The following TRAPPC9 variants were observed in gnomAD, a reference collection of about 807,000 sequenced individuals.
TRAPPC9 encodes the protein trafficking protein particle complex subunit 9.
Under a neutral mutation model 124.0 loss-of-function variants are expected in TRAPPC9, and 83 were observed. The observed-to-expected ratio is 0.67, with a 90% confidence interval of 0.56 to 0.80. TRAPPC9 has a LOEUF of 0.80. TRAPPC9 is among the 30% of genes least tolerant of loss of function. TRAPPC9 has a pLI of 0.00. For synonymous variants in TRAPPC9, 638 were observed against 617.5 expected (o/e 1.03, Z -0.49); for missense variants, 1,302 against 1,508.3 (o/e 0.86, Z 2.27).
chr8:140,272,105 G>GTGGTAGTGGCAATGGTGATAGTGATTA (rs2064917343), intron 15 of TRAPPC9, among the ~76,000 whole-genome samples: 1 of 75,228 alleles, frequency 1.3e-5, no homozygotes, highest in Admixed American at 1.2e-4. Flanking sequence ...TGAGGTGATT[G>GTGGTAGTGGCAATGGTGATAGTGATTA]TGGTGGTGGC....
chr8:140,278,454 C>T (rs2065195938), intron 14 of TRAPPC9, among the ~76,000 whole-genome samples: 1 of 152,256 alleles, frequency 6.6e-6, no homozygotes, highest in African/African-American at 2.4e-5. Context: ...AGCCAGGCAA[C>T]TGGCACATAG....
At chr8:140,006,709 C>T (rs1017928476) in intron 18 of TRAPPC9, among the ~76,000 whole-genome samples, 1 of 152,156 alleles carries the variant, frequency 6.6e-6, no homozygotes, top group Non-Finnish European at 1.5e-5. Flanking sequence ...GAAAACAACA[C>T]ACCAAGTGAA....
At chr8:139,754,094 G>A (rs1456429011) in intron 21 of TRAPPC9, among the ~76,000 whole-genome samples, 1 of 152,200 alleles carries the variant, frequency 6.6e-6, no homozygotes, top group Non-Finnish European at 1.5e-5. Context: ...GGCTCTGCAG[G>A]GAAAGGTGAA....
Position 139,789,406 on chromosome 8 carries a change from G to A in TRAPPC9, c.3056-57204C>T, listed in dbSNP as rs955245680. Among the ~76,000 whole-genome samples, 3 of 152,192 alleles carry A rather than the reference G, an allele frequency of 2.0e-5. No homozygotes were observed. The East Asian group carries it at 5.8e-4, about 29-fold the overall frequency. ...GCACGCTGCCCCTCGGTGTGTGGCT[G>A]TGTGTGGTTATCACAGCAGCATCGC... On this transcript the variant is annotated intron_variant, in intron 21 of 22. Coordinates refer to ENST00000438773, the MANE Select transcript of TRAPPC9 (RefSeq NM_001160372.4).
chr8:140,261,997 G>A (rs1267532573), intron 15 of TRAPPC9, among the ~76,000 whole-genome samples: 1 of 152,114 alleles, frequency 6.6e-6, no homozygotes, highest in Non-Finnish European at 1.5e-5. Context: ...CCGTAAAACA[G>A]GTACTAAGAC....
At chr8:140,392,341 T>G (rs139666156) in intron 7 of TRAPPC9, among the ~76,000 whole-genome samples, 4 of 152,212 alleles carry the variant, frequency 2.6e-5, no homozygotes. Flanking sequence ...GCTTATCCGA[T>G]AATGGAGAGG....
At chr8:139,988,007 C>T (rs770668892) in intron 19 of TRAPPC9, among the ~76,000 whole-genome samples, 1 of 152,150 alleles carries the variant, frequency 6.6e-6, no homozygotes, top group Non-Finnish European at 1.5e-5. Flanking sequence ...GCTCCCCTCC[C>T]GAAGGCCTGA....
In TRAPPC9 at chr8:139,922,973, G is replaced by A. The variant is rs916814470; in HGVS notation, c.2811-12673C>T. ...GGCACCTGGATTTCAGAAACACTGT[G>A]GCAGCCTCCCTCATCAGGCTCATCA... On this transcript the variant is annotated intron_variant, in intron 19 of 22. Coordinates refer to ENST00000438773, the MANE Select transcript of TRAPPC9 (RefSeq NM_001160372.4). Among the ~76,000 whole-genome samples the A allele has an allele frequency of 3.3e-5, 5 of 152,194 alleles. No homozygotes were observed. In the East Asian group the frequency reaches 9.6e-4, roughly 29 times the overall value.
At chr8:140,051,914 C>T (rs994744826) in intron 17 of TRAPPC9, among the ~76,000 whole-genome samples, 1 of 151,914 alleles carries the variant, frequency 6.6e-6, no homozygotes, top group Non-Finnish European at 1.5e-5. Context: ...CAAATGCATC[C>T]ACTGTATTTC....
intron 4 of TRAPPC9, among the ~76,000 whole-genome samples, chr8:140,429,281 G>A (rs1229705201): frequency 4.0e-5 from 6 of 151,892 alleles, no homozygotes; most frequent in African/African-American, 1.2e-4. Flanking sequence ...CAGTAGACAC[G>A]GGGTTTTACC....
At chr8:139,877,717 G>A (rs1829412854) in intron 21 of TRAPPC9, among the ~76,000 whole-genome samples, 1 of 152,162 alleles carries the variant, frequency 6.6e-6, no homozygotes, top group African/African-American at 2.4e-5. Context: ...TGAGCCTGAG[G>A]AACATGCTCT....
At chr8:140,010,280 T>TA (rs1839037246) in intron 18 of TRAPPC9, among the ~76,000 whole-genome samples, 1 of 152,214 alleles carries the variant, frequency 6.6e-6, no homozygotes, top group East Asian at 1.9e-4. Context: ...AATCTCAATG[T>TA]AAAATTACAA....
chr8:140,317,096 T>C (rs1252877943), intron 9 of TRAPPC9, among the ~76,000 whole-genome samples: 1 of 152,196 alleles, frequency 6.6e-6, no homozygotes, highest in Non-Finnish European at 1.5e-5. Context: ...TTTTATTGAT[T>C]TGACATTTAT....
chr8:140,086,791 C>T (rs113984656), intron 17 of TRAPPC9, among the ~76,000 whole-genome samples: 11 of 152,114 alleles, frequency 7.2e-5, no homozygotes, highest in African/African-American at 1.7e-4. Context: ...AAAAATTAGC[C>T]GGGTGCAGTG....
At chr8:140,287,020 G>A (rs1196421143) in intron 13 of TRAPPC9, among the ~76,000 whole-genome samples, 1 of 152,140 alleles carries the variant, frequency 6.6e-6, no homozygotes, top group East Asian at 1.9e-4. Context: ...AACATCCAGA[G>A]AGGCAGGGTC....
In TRAPPC9 at chr8:140,221,559, G is replaced by C; in HGVS notation, c.2456C>G (p.Pro819Arg). 6.2e-7 allele frequency: 1 copy of C among 1,614,034 alleles called. No homozygotes were observed. The highest frequency in any genetic ancestry group is 1.6e-4 in the Middle Eastern group (1 of 6,062). The change falls in exon 17 of 23, where the codon CCC becomes CGC. Residue 819 changes from proline (P) to arginine (R), a missense_variant. Physicochemically the swap from Pro to Arg is moderately radical, Grantham distance 103. Transcript: ENST00000438773. ...SDDGISVSGF[P>R]LSSPFRQVVR... ...GACCTGCCGAAAAGGACTGGACAGG[G>C]GAAAGCCACTCACACTGATTCCATC...
At chr8:139,766,646 T>A (rs1820602898) in intron 21 of TRAPPC9, among the ~76,000 whole-genome samples, 3 of 152,170 alleles carry the variant, frequency 2.0e-5, no homozygotes, top group Non-Finnish European at 4.4e-5. Flanking sequence ...CTAACCGGCA[T>A]CACGTGGGGA....
At chr8:139,839,731 C>T (rs1826605648) in intron 21 of TRAPPC9, among the ~76,000 whole-genome samples, 1 of 152,212 alleles carries the variant, frequency 6.6e-6, no homozygotes, top group Admixed American at 6.5e-5. Flanking sequence ...GCCTCCAGCT[C>T]TGCTGGGTGC....
At chr8:140,333,888 G>GT (rs1271009362) in intron 9 of TRAPPC9, among the ~76,000 whole-genome samples, 1 of 152,208 alleles carries the variant, frequency 6.6e-6, no homozygotes, top group African/African-American at 2.4e-5. Flanking sequence ...CCTTCCCAGT[G>GT]TAACACAGAT....
Sources: gnomAD v4.1 joint callset for allele counts (sites outside exome capture counted in the v4.1 genomes callset) on GRCh38, gnomAD v4.1.1 for gene constraint, MANE v1.5 for transcripts, NCBI Gene and HGNC (gene_info 2026-07-23, HGNC 2026-07-21) for gene names.